GRIA1: variants seen among roughly 807,000 people sequenced by gnomAD.
The protein encoded by GRIA1 is glutamate receptor 1.
Under a neutral mutation model 99.2 loss-of-function variants are expected in GRIA1, and 31 were observed. The observed-to-expected ratio is 0.31, with a 90% confidence interval of 0.23 to 0.42. GRIA1 has a LOEUF of 0.42. Among genes scored for constraint, GRIA1 ranks in the 10% least tolerant of loss-of-function variants. The pLI is 1.00. For synonymous variants in GRIA1, 438 were observed against 432.4 expected (o/e 1.01, Z -0.16); for missense variants, 782 against 1,157.5 (o/e 0.68, Z 4.71).
chr5:153,735,047 T>G lies in GRIA1; in HGVS notation c.1823+28980T>G, dbSNP rs562267861. Among the ~76,000 whole-genome samples, 59 of 152,262 alleles carry G rather than the reference T, an allele frequency of 3.9e-4. 1 individual carries two copies. In the South Asian group the frequency reaches 0.011, roughly 29 times the overall value. ...CTGGTGTCTAATGGGTACAGGCTAG[T>G]GATATTGTTAAACACCCTGCAATAT... On this transcript the variant is annotated intron_variant, in intron 11 of 15. Transcript: ENST00000285900.
chr5:153,756,829 C>T (rs761472438), intron 11 of GRIA1, among the ~76,000 whole-genome samples: 1 of 152,030 alleles, frequency 6.6e-6, no homozygotes, highest in Non-Finnish European at 1.5e-5. Flanking sequence ...CTGGACAGGC[C>T]AACTGAAGGA....
chr5:153,758,775 C>G (rs1015294479), intron 11 of GRIA1, among the ~76,000 whole-genome samples: 1 of 151,880 alleles, frequency 6.6e-6, no homozygotes, highest in African/African-American at 2.4e-5. Flanking sequence ...TTATTTGCAA[C>G]AGAACATAGA....
chr5:153,504,837 C>T (rs567611170), intron 2 of GRIA1, among the ~76,000 whole-genome samples: 72 of 152,248 alleles, frequency 4.7e-4, no homozygotes, highest in Non-Finnish European at 1.0e-4. Flanking sequence ...TCCTGAGGCA[C>T]CAATACTCTG....
At chr5:153,791,068 G>T in intron 13 of GRIA1, among the ~76,000 whole-genome samples, 1 of 152,090 alleles carries the variant, frequency 6.6e-6, no homozygotes, top group African/African-American at 2.4e-5. Context: ...AAATATCATA[G>T]GGCAGTTTTC....
At chr5:153,803,577 A>T (rs1766199910) in intron 15 of GRIA1, among the ~76,000 whole-genome samples, 1 of 152,214 alleles carries the variant, frequency 6.6e-6, no homozygotes, top group South Asian at 2.1e-4. Flanking sequence ...GCTTCCAGGA[A>T]GATGCCAAAA....
intron 2 of GRIA1, among the ~76,000 whole-genome samples, chr5:153,619,853 G>A (rs1766863574): frequency 1.3e-5 from 2 of 152,138 alleles, no homozygotes; most frequent in Non-Finnish European, 2.9e-5. Context: ...ATGCTCAAGT[G>A]TTGTTGCTGC....
intron 13 of GRIA1, among the ~76,000 whole-genome samples, chr5:153,783,410 T>C (rs1027564375): frequency 2.6e-5 from 4 of 152,166 alleles, no homozygotes; most frequent in Non-Finnish European, 4.4e-5. Context: ...CAGGACCAGA[T>C]GTGGTTTACT....
intron 2 of GRIA1, among the ~76,000 whole-genome samples, chr5:153,555,744 C>G (rs374965451): frequency 3.3e-5 from 5 of 152,186 alleles, no homozygotes; most frequent in East Asian, 1.9e-4. Flanking sequence ...TTCAGTCAGT[C>G]TGACAGACTG....
At chr5:153,604,287 T>A (rs917537168) in intron 2 of GRIA1, among the ~76,000 whole-genome samples, 5 of 152,108 alleles carry the variant, frequency 3.3e-5, no homozygotes, top group African/African-American at 1.2e-4. Flanking sequence ...GCCTGTAACT[T>A]CCTAATCAAA....
intron 11 of GRIA1, chr5:153,755,795 T>C (rs1762790548): frequency 6.6e-6 from 1 of 152,216 alleles, no homozygotes; most frequent in Non-Finnish European, 1.5e-5. Flanking sequence ...TGCAGGAGCT[T>C]TGAGATTCAG....
intron 2 of GRIA1, among the ~76,000 whole-genome samples, chr5:153,575,197 A>AGAGAG (rs1762425770): frequency 1.4e-5 from 2 of 147,660 alleles, no homozygotes; most frequent in Admixed American, 6.7e-5. Flanking sequence ...TCAAGAGAGA[A>AGAGAG]AGAGAGAGAG....
At chr5:153,783,410 T>G (rs1027564375) in intron 13 of GRIA1, among the ~76,000 whole-genome samples, 1 of 152,166 alleles carries the variant, frequency 6.6e-6, no homozygotes, top group African/African-American at 2.4e-5. Flanking sequence ...CAGGACCAGA[T>G]GTGGTTTACT....
chr5:153,596,617 T>G (rs968156823), intron 2 of GRIA1, among the ~76,000 whole-genome samples: 1 of 152,090 alleles, frequency 6.6e-6, no homozygotes, highest in Non-Finnish European at 1.5e-5. Context: ...GTTCATCAAC[T>G]TGGAGCCCCT....
intron 2 of GRIA1, among the ~76,000 whole-genome samples, chr5:153,509,482 C>T (rs1237666128): frequency 6.6e-6 from 1 of 152,102 alleles, no homozygotes; most frequent in East Asian, 1.9e-4. Context: ...CCCATTTCAA[C>T]TTTCTACCTT....
At chr5:153,676,321 G>A (rs1241692282) in intron 6 of GRIA1, among the ~76,000 whole-genome samples, 2 of 152,162 alleles carry the variant, frequency 1.3e-5, no homozygotes, top group Non-Finnish European at 2.9e-5. Context: ...AGGTTCCAAA[G>A]CCAGGATATA....
rs1475506313 is a variant in GRIA1, at chr5:153,724,764, T to C, written c.1823+18697T>C. 6.1e-4 allele frequency among the ~76,000 whole-genome samples: 93 copies of C among 152,150 alleles called. 1 individual carries two copies. Among genetic ancestry groups the C allele is most frequent in the Non-Finnish European group, 5.3e-4 (36 of 68,026 alleles). ...GGACTATGTGAAAAGACCAAATCTA[T>C]GTCTGATTGGTGTACCTGAAAGTGA... is the stretch of plus-strand genomic sequence containing the variant. On this transcript the variant is annotated intron_variant, in intron 11 of 15. Coordinates refer to ENST00000285900, the MANE Select transcript of GRIA1 (RefSeq NM_000827.4).
At chr5:153,642,983 A>G (rs1753881946) in intron 2 of GRIA1, among the ~76,000 whole-genome samples, 1 of 152,118 alleles carries the variant, frequency 6.6e-6, no homozygotes, top group Non-Finnish European at 1.5e-5. Flanking sequence ...GGAAAGTGAG[A>G]TATGGGCTGA....
chr5:153,653,128 T>C (rs1754694272), intron 4 of GRIA1, among the ~76,000 whole-genome samples: 1 of 152,224 alleles, frequency 6.6e-6, no homozygotes, highest in Admixed American at 6.5e-5. Flanking sequence ...CACAATGCCT[T>C]GGATAGTGCT....
intron 2 of GRIA1, among the ~76,000 whole-genome samples, chr5:153,556,404 C>G (rs937210646): frequency 1.3e-5 from 2 of 152,180 alleles, no homozygotes; most frequent in African/African-American, 4.8e-5. Flanking sequence ...GATCCGGAAG[C>G]TAAATATTCC....
Sources: gnomAD v4.1 joint callset for allele counts (sites outside exome capture counted in the v4.1 genomes callset) on GRCh38, gnomAD v4.1.1 for gene constraint, MANE v1.5 for transcripts, NCBI Gene and HGNC (gene_info 2026-07-23, HGNC 2026-07-21) for gene names.